The following ZNF638 variants were observed in gnomAD, a reference collection of about 807,000 sequenced individuals.
The protein encoded by ZNF638 is zinc finger protein 638, also known as CTCL tumor antigen se33-1.
A neutral mutation model predicts 195.6 loss-of-function variants in ZNF638; 46 were observed. The ratio of observed to expected loss-of-function variants is 0.24; its 90% CI spans 0.19 to 0.30. The LOEUF is 0.30. Ranked by LOEUF, ZNF638 falls within the 10% of genes least tolerant of loss-of-function variation. ZNF638 has a pLI of 1.00. For synonymous variants in ZNF638, 845 were observed against 772.0 expected (o/e 1.09, Z -1.57); for missense variants, 2,440 against 2,325.3 (o/e 1.05, Z -1.01).
At chr2:71,401,732 C>T (rs1278191531) in intron 15 of ZNF638, among the ~76,000 whole-genome samples, 1 of 151,626 alleles carries the variant, frequency 6.6e-6, no homozygotes, top group Non-Finnish European at 1.5e-5. Flanking sequence ...GACTAGATGA[C>T]AGATGGTATA....
At chr2:71,410,973 A>T (rs148601117) in intron 20 of ZNF638, among the ~76,000 whole-genome samples, 2 of 49,660 alleles carry the variant, frequency 4.0e-5, no homozygotes, top group Admixed American at 2.4e-4. Context: ...TTTTCTCCCC[A>T]CCCACCACCT....
chr2:71,343,103 C>T (rs1321167762), intron 1 of ZNF638, among the ~76,000 whole-genome samples: 3 of 152,170 alleles, frequency 2.0e-5, no homozygotes, highest in Non-Finnish European at 4.4e-5. Context: ...TCCTACAAAA[C>T]TCAATTCAAG....
intron 10 of ZNF638, among the ~76,000 whole-genome samples, chr2:71,382,166 G>T (rs572273648): frequency 6.6e-6 from 1 of 152,184 alleles, no homozygotes; most frequent in Non-Finnish European, 1.5e-5. Flanking sequence ...ATTACAATTG[G>T]AAAACTCACA....
chr2:71,398,633 T>G, intron 11 of ZNF638, 68 bp from the exon 12 acceptor site: 101 of 1,204,342 alleles, frequency 8.4e-5, no homozygotes, highest in Non-Finnish European at 1.1e-4. Flanking sequence ...TTTTTCTCTG[T>G]GAGGTTCTTT....
At chr2:71,359,452 G>T (rs988468631) in intron 3 of ZNF638, among the ~76,000 whole-genome samples, 2 of 152,140 alleles carry the variant, frequency 1.3e-5, no homozygotes, top group African/African-American at 4.8e-5. Flanking sequence ...CCATCTATTT[G>T]TACCATCTGG....
At chr2:71,389,493 C>T (rs1350520281) in intron 10 of ZNF638, among the ~76,000 whole-genome samples, 1 of 152,180 alleles carries the variant, frequency 6.6e-6, no homozygotes, top group Non-Finnish European at 1.5e-5. Flanking sequence ...GTCAGTACCT[C>T]CTCTGGAAGA....
chr2:71,364,442 A>G (rs1253237934), intron 5 of ZNF638, among the ~76,000 whole-genome samples, 190 bp downstream of exon 5: 1 of 152,210 alleles, frequency 6.6e-6, no homozygotes, highest in Non-Finnish European at 1.5e-5. Context: ...GTATGTGTCC[A>G]TCAACATCAT....
intron 3 of ZNF638, among the ~76,000 whole-genome samples, chr2:71,356,786 AAAAAAAAATTTTTTTTTTT>A: frequency 6.6e-6 from 1 of 152,090 alleles, no homozygotes; most frequent in Admixed American, 6.5e-5. Flanking sequence ...GTTTCAAAAA[AAAAAAAAATTTTTTTTTTT>A]TAAGTAAGAA....
intron 1 of ZNF638, among the ~76,000 whole-genome samples, chr2:71,345,875 A>G (rs1282954141): frequency 4.6e-5 from 7 of 152,204 alleles, no homozygotes; most frequent in East Asian, 1.9e-4. Context: ...GTGGCCTTCA[A>G]ACTTTCTTGG....
intron 1 of ZNF638, among the ~76,000 whole-genome samples, chr2:71,342,136 G>A (rs987151529): frequency 3.4e-5 from 5 of 146,418 alleles, no homozygotes; most frequent in Admixed American, 2.1e-4. Context: ...CAGGAGAATC[G>A]CTTGAACCCA....
intron 1 of ZNF638, among the ~76,000 whole-genome samples, chr2:71,340,261 C>T (rs1345916699): frequency 6.6e-6 from 1 of 152,178 alleles, no homozygotes; most frequent in African/African-American, 2.4e-5. Flanking sequence ...CACATTTTGG[C>T]ATTTTAACGT....
intron 11 of ZNF638, among the ~76,000 whole-genome samples, chr2:71,396,446 T>C (rs1243392059): frequency 6.6e-6 from 1 of 152,256 alleles, no homozygotes; most frequent in South Asian, 2.1e-4. Context: ...TCTCTTTTAT[T>C]GAGGTCTCTC....
intron 1 of ZNF638, among the ~76,000 whole-genome samples, chr2:71,335,087 C>T (rs1368033216): frequency 6.6e-6 from 1 of 152,166 alleles, no homozygotes; most frequent in Non-Finnish European, 1.5e-5. Context: ...GGATCTCACT[C>T]TTTCTCTAAG....
Position 71,350,037 on chromosome 2 carries a change from C to T in ZNF638, c.1083C>T (p.Asn361=), listed in dbSNP as rs143507454. 395 of 1,614,172 alleles carry T rather than the reference C, an allele frequency of 2.4e-4. 5 individuals are homozygous for T. The East Asian group carries it at 8.2e-3, about 34-fold the overall frequency. The change falls in exon 2 of 28, where the codon AAC becomes AAT. Residue 361 remains asparagine (N), a synonymous_variant. Transcript: ENST00000264447. Reference sequence around the variant, plus strand: ...ATGAACCTGTGATTAATTCATCTAACGTACATGTTGGATCAAGAGGAAGTA... The same window carrying T: ...ATGAACCTGTGATTAATTCATCTAATGTACATGTTGGATCAAGAGGAAGTA... The part of the protein sequence containing the change: ...IPHEPVINSS[N]VHVGSRGSKK...
rs34472889 is a variant in ZNF638, at chr2:71,410,983, T to TCCC, written c.3261+2743_3261+2745dup. 7.5e-4 allele frequency among the ~76,000 whole-genome samples: 36 copies of TCCC among 48,180 alleles called. 1 individual carries two copies. The highest frequency in any genetic ancestry group is 2.0e-3 in the African/African-American group (20 of 9,894). The allele number at this position is 48,180 out of a possible 152,430, so 31.6% of individuals were successfully genotyped here. ...GAAGTTTTTCTCCCCACCCACCACC[T>TCCC]CCCCCCCCCTTTTTTTTTTTTTTTT... On this transcript the variant is annotated intron_variant, in intron 20 of 27. Coordinates refer to ENST00000264447, the MANE Select transcript of ZNF638 (RefSeq NM_014497.5).
At chr2:71,401,667 A>T (rs1257741170) in intron 15 of ZNF638, among the ~76,000 whole-genome samples, 1 of 152,044 alleles carries the variant, frequency 6.6e-6, no homozygotes. Flanking sequence ...AGCCTGGGCA[A>T]CAGAGCAAGA....
Position 71,386,356 on chromosome 2 carries a change from TTTTA to T in ZNF638, c.2377+5797_2377+5800del, listed in dbSNP as rs200574967. Among the ~76,000 whole-genome samples, 565 of 151,956 alleles carry T rather than the reference TTTTA, an allele frequency of 3.7e-3. 5 individuals are homozygous for T. Among genetic ancestry groups the T allele is most frequent in the African/African-American group, 0.013 (527 of 41,424 alleles). On this transcript the variant is annotated intron_variant, in intron 10 of 27. Transcript: ENST00000264447. ...ATGATATGTATGTGTGTATATATAC[TTTTA>T]TTTATGCACACACATACATATACAA...
intron 10 of ZNF638, chr2:71,395,743 A>G: frequency 2.6e-6 from 1 of 388,162 alleles, no homozygotes; most frequent in Non-Finnish European, 4.8e-6. Flanking sequence ...CCCTAGCCGC[A>G]CTCATGCAAA....
Position 71,408,875 on chromosome 2 carries a change from CTAAAT to C in ZNF638, c.3261+631_3261+635del, listed in dbSNP as rs555352311. The C allele has an allele frequency of 1.7e-3, 374 of 215,826 alleles. 2 individuals are homozygous for C. The highest frequency in any genetic ancestry group is 3.3e-3 in the Non-Finnish European group (326 of 99,814). The allele number at this position is 215,826 out of a possible 1,614,324, so 13.4% of individuals were successfully genotyped here. ...AAAAAGGCAATTTCATCATCTAAAT[CTAAAT>C]TAGAGTATCTTTAAGTAAATGTATT... On this transcript the variant is annotated intron_variant, in intron 20 of 27. Transcript: ENST00000264447.
Sources: allele counts gnomAD v4.1 joint callset (sites outside exome capture counted in the v4.1 genomes callset), GRCh38; gene constraint gnomAD v4.1.1; transcripts MANE v1.5; gene names NCBI Gene and HGNC (gene_info 2026-07-23, HGNC 2026-07-21).